Variants in FSIP1 observed in about 807,000 individuals in gnomAD.
FSIP1 encodes fibrous sheath-interacting protein 1.
FSIP1 carries 65 observed loss-of-function variants against 60.9 expected under a neutral mutation model. The observed-to-expected ratio is 1.07, with a 90% CI of 0.87 to 1.31. The LOEUF (loss-of-function observed/expected upper bound fraction) is 1.31. Among genes scored for constraint, FSIP1 ranks in the 40% most tolerant of loss-of-function variants. FSIP1 has a pLI of 0.00. For synonymous variants in FSIP1, 209 were observed against 221.2 expected (o/e 0.94, Z 0.49); for missense variants, 675 against 665.5 (o/e 1.01, Z -0.16).
intron 10 of FSIP1, among the ~76,000 whole-genome samples, chr15:39,629,763 G>A (rs1454464499): frequency 1.3e-5 from 2 of 152,202 alleles, no homozygotes; most frequent in Admixed American, 1.3e-4. Flanking sequence ...TTAACCTGAA[G>A]AGGTGATTCT....
chr15:39,732,699 T>G (rs1222806343), intron 8 of FSIP1, among the ~76,000 whole-genome samples: 1 of 150,980 alleles, frequency 6.6e-6, no homozygotes, highest in Non-Finnish European at 1.5e-5. Flanking sequence ...AATTAAAACA[T>G]AATTATCATT....
chr15:39,739,779 A>C lies in FSIP1; in HGVS notation c.666T>G (p.Cys222Trp). ...QMQKLNKDFT[C>W]DVERNESLIK... ...TCAATGACTCATTTCTTTCCACATC[A>C]CAGGTAAAATCTAATATTAAAAAAG... Residue 222 changes from cysteine (C) to tryptophan (W), a missense_variant, in exon 7 of 12, where the codon TGT (cysteine) becomes TGG (tryptophan). Transcript: ENST00000350221. The C allele has an allele frequency of 6.4e-7, 1 of 1,560,974 alleles. No individual in the cohort carries two copies. Among genetic ancestry groups the C allele is most frequent in the Non-Finnish European group, 8.6e-7 (1 of 1,161,066 alleles).
At chr15:39,725,929 C>T (rs1896175865) in intron 9 of FSIP1, among the ~76,000 whole-genome samples, 1 of 152,034 alleles carries the variant, frequency 6.6e-6, no homozygotes. Context: ...GGATTACAAG[C>T]ATGCACCACC....
chr15:39,705,731 C>G (rs1259430813), intron 10 of FSIP1, among the ~76,000 whole-genome samples: 4 of 152,064 alleles, frequency 2.6e-5, no homozygotes, highest in Non-Finnish European at 5.9e-5. Flanking sequence ...GGTGCAGTGG[C>G]TCACACCTGT....
chr15:39,610,813 G>T (rs1891001964), intron 11 of FSIP1, among the ~76,000 whole-genome samples: 1 of 152,104 alleles, frequency 6.6e-6, no homozygotes, highest in African/African-American at 2.4e-5. Context: ...TAAAAGGGTG[G>T]GATAATATAA....
chr15:39,617,700 A>G (rs563517813), intron 11 of FSIP1, 35 bp downstream of exon 11: 20 of 1,569,376 alleles, frequency 1.3e-5, no homozygotes, highest in Non-Finnish European at 1.6e-5. Context: ...GCTTTTAAGA[A>G]TTATTTACCA....
intron 9 of FSIP1, among the ~76,000 whole-genome samples, chr15:39,714,112 C>A (rs1372727330): frequency 6.6e-6 from 1 of 152,160 alleles, no homozygotes; most frequent in Non-Finnish European, 1.5e-5. Context: ...ATCTGTAAAA[C>A]AGTAACAGTA....
chr15:39,705,801 C>A (rs779376012), intron 10 of FSIP1, among the ~76,000 whole-genome samples: 25 of 152,014 alleles, frequency 1.6e-4, no homozygotes, highest in Non-Finnish European at 3.2e-4. Flanking sequence ...AGTTCGAGAC[C>A]AGCCTGGCCA....
intron 10 of FSIP1, among the ~76,000 whole-genome samples, chr15:39,657,663 C>T (rs1893124229): frequency 6.6e-6 from 1 of 152,180 alleles, no homozygotes; most frequent in Non-Finnish European, 1.5e-5. Flanking sequence ...TTCCATTCAT[C>T]CTTTCACTTA....
At chr15:39,741,334 C>T (rs1896794108) in intron 6 of FSIP1, among the ~76,000 whole-genome samples, 1 of 152,206 alleles carries the variant, frequency 6.6e-6, no homozygotes, top group African/African-American at 2.4e-5. Context: ...GACATAGCTG[C>T]CATGTTCCTA....
chr15:39,763,846 C>G lies in FSIP1; in HGVS notation c.534G>C (p.Leu178Phe). 6.3e-7 allele frequency: 1 copy of G among 1,591,572 alleles called. No homozygotes were observed. Among genetic ancestry groups the G allele is most frequent in the Non-Finnish European group, 8.6e-7 (1 of 1,160,168 alleles). ...EMENTKKFLS[L>F]TAVSEETVGP... ...CAACAGTTTCTTCAGAAACAGCAGT[C>G]AAAGATAAAAATTTTTTTGTATTTT... The change falls in exon 5 of 12, where the codon TTG becomes TTC. Residue 178 changes from leucine to phenylalanine, a missense_variant. By Grantham distance (22) the Leu-to-Phe change is conservative (BLOSUM62 0). Transcript: ENST00000350221.
chr15:39,718,576 G>A (rs746959052), intron 9 of FSIP1, among the ~76,000 whole-genome samples: 3 of 148,622 alleles, frequency 2.0e-5, no homozygotes, highest in Non-Finnish European at 4.4e-5. Context: ...CTGCAGACTC[G>A]ACCTCCCAGG....
intron 10 of FSIP1, among the ~76,000 whole-genome samples, chr15:39,632,323 C>G (rs546774733): frequency 6.6e-6 from 1 of 152,022 alleles, no homozygotes; most frequent in South Asian, 2.1e-4. Context: ...ACTACAGATA[C>G]GCACCACCAT....
intron 10 of FSIP1, among the ~76,000 whole-genome samples, chr15:39,667,472 G>C (rs1419479552): frequency 6.6e-6 from 1 of 152,152 alleles, no homozygotes; most frequent in Non-Finnish European, 1.5e-5. Flanking sequence ...AGAGGATTGT[G>C]TGACCCTTTT....
chr15:39,646,008 T>G (rs1376890770), intron 10 of FSIP1, among the ~76,000 whole-genome samples: 1 of 152,178 alleles, frequency 6.6e-6, no homozygotes, highest in Non-Finnish European at 1.5e-5. Flanking sequence ...GGCTTGCCCA[T>G]GGACCAACTG....
At chr15:39,662,360 G>C (rs1406527787) in intron 10 of FSIP1, among the ~76,000 whole-genome samples, 1 of 152,084 alleles carries the variant, frequency 6.6e-6, no homozygotes, top group Non-Finnish European at 1.5e-5. Flanking sequence ...ATAAAGTTTA[G>C]AGAAGTTGAA....
intron 10 of FSIP1, among the ~76,000 whole-genome samples, chr15:39,668,830 A>C (rs73393297): frequency 0.021 from 3,135 of 152,306 alleles, 109 homozygotes; most frequent in African/African-American, 0.071. Context: ...ATTTAAAAAT[A>C]ATAAATACGT....
At chr15:39,651,880 A>G (rs1892886588) in intron 10 of FSIP1, among the ~76,000 whole-genome samples, 1 of 152,220 alleles carries the variant, frequency 6.6e-6, no homozygotes, top group Non-Finnish European at 1.5e-5. Context: ...CTACGTATCT[A>G]TCTCCCCCAA....
chr15:39,610,103 G>T (rs1890970944), intron 11 of FSIP1, among the ~76,000 whole-genome samples: 1 of 151,862 alleles, frequency 6.6e-6, no homozygotes, highest in South Asian at 2.1e-4. Context: ...AACTAATAAA[G>T]CCCCAATAAT....
Sources: allele counts gnomAD v4.1 joint callset (sites outside exome capture counted in the v4.1 genomes callset), GRCh38; gene constraint gnomAD v4.1.1; transcripts MANE v1.5; gene names NCBI Gene and HGNC (gene_info 2026-07-23, HGNC 2026-07-21).